The following TTC27 variants were observed in gnomAD, a reference collection of about 807,000 sequenced individuals.
TTC27 encodes tetratricopeptide repeat protein 27.
In TTC27, 79 loss-of-function variants were observed where a neutral mutation model predicts 115.9. The ratio of observed to expected loss-of-function variants is 0.68; its 90% confidence interval spans 0.57 to 0.82. The LOEUF is 0.82. Ranked by LOEUF, TTC27 falls within the 40% of genes least tolerant of loss-of-function variation. TTC27 has a pLI of 0.00. For synonymous variants in TTC27, 401 were observed against 356.0 expected, an observed-to-expected ratio of 1.13 and a Z score of -1.42; for missense variants, 1,054 against 993.1, an observed-to-expected ratio of 1.06 and a Z score of -0.82.
intron 13 of TTC27, among the ~76,000 whole-genome samples, chr2:32,759,255 T>G (rs1293433759): frequency 6.6e-6 from 1 of 152,212 alleles, no homozygotes; most frequent in Non-Finnish European, 1.5e-5. Context: ...TTGAAAAACA[T>G]GCACACTGAT....
chr2:32,665,757 G>A (rs1175813737), intron 6 of TTC27, among the ~76,000 whole-genome samples: 1 of 152,112 alleles, frequency 6.6e-6, no homozygotes, highest in African/African-American at 2.4e-5. Flanking sequence ...TGGGTGTGGT[G>A]GTGCATGCCT....
chr2:32,676,814 A>G (rs1194256412), intron 8 of TTC27, among the ~76,000 whole-genome samples: 1 of 151,736 alleles, frequency 6.6e-6, no homozygotes, highest in East Asian at 1.9e-4. Context: ...TATATGAAAT[A>G]TTTATATACA....
At chr2:32,816,151 A>G (rs1671494746) in intron 18 of TTC27, among the ~76,000 whole-genome samples, 1 of 152,046 alleles carries the variant, frequency 6.6e-6, no homozygotes, top group Non-Finnish European at 1.5e-5. Context: ...CTACCAAAAA[A>G]TTAAAAAATT....
chr2:32,763,032 G>T (rs1669501963), intron 13 of TTC27, among the ~76,000 whole-genome samples: 1 of 152,306 alleles, frequency 6.6e-6, no homozygotes, highest in East Asian at 1.9e-4. Flanking sequence ...GGGAGAACTT[G>T]ACAGGGCTTG....
intron 13 of TTC27, among the ~76,000 whole-genome samples, chr2:32,776,888 G>A (rs958047720): frequency 6.6e-6 from 1 of 152,288 alleles, no homozygotes; most frequent in East Asian, 1.9e-4. Flanking sequence ...GGGATTACAG[G>A]TGTGAGCCAC....
At chr2:32,757,863 G>A (rs574037764) in intron 12 of TTC27, among the ~76,000 whole-genome samples, 106 of 152,116 alleles carry the variant, frequency 7.0e-4, no homozygotes, top group African/African-American at 2.2e-3. Context: ...CACCACGCCC[G>A]GCTAATTTTT....
intron 10 of TTC27, among the ~76,000 whole-genome samples, chr2:32,723,717 TCCCTCCCTCCC>T (rs1668005873): frequency 6.5e-5 from 2 of 30,668 alleles, no homozygotes; most frequent in Admixed American, 4.0e-4. Flanking sequence ...CCTCCCTCCC[TCCCTCCCTCCC>T]TCCTTCCTTC....
chr2:32,671,928 A>G (rs1049420745), intron 7 of TTC27, among the ~76,000 whole-genome samples: 2 of 152,214 alleles, frequency 1.3e-5, no homozygotes, highest in Admixed American at 1.3e-4. Context: ...TTCATCAGTA[A>G]ATAAGGATAG....
intron 14 of TTC27, among the ~76,000 whole-genome samples, chr2:32,779,179 C>A (rs981817348): frequency 7.2e-5 from 11 of 151,948 alleles, no homozygotes; most frequent in Non-Finnish European, 1.3e-4. Context: ...GCAGAGATTG[C>A]GCCACCTTAC....
chr2:32,706,338 C>G (rs1461797145), intron 10 of TTC27, among the ~76,000 whole-genome samples: 1 of 151,912 alleles, frequency 6.6e-6, no homozygotes, highest in Non-Finnish European at 1.5e-5. Context: ...CCACCTCAGC[C>G]TCCCAAAATG....
At chr2:32,691,200 T>C (rs1666796611) in intron 9 of TTC27, among the ~76,000 whole-genome samples, 1 of 152,218 alleles carries the variant, frequency 6.6e-6, no homozygotes, top group Non-Finnish European at 1.5e-5. Flanking sequence ...TTTGCTACTT[T>C]TCTGGGGCAT....
Position 32,664,487 on chromosome 2 carries a change from G to A in TTC27, c.805+20G>A, listed in dbSNP as rs1252692988. 6.3e-7 allele frequency: 1 copy of A among 1,584,270 alleles called. No homozygotes were observed. Among genetic ancestry groups the A allele is most frequent in the Non-Finnish European group, 8.5e-7 (1 of 1,170,696 alleles). On this transcript the variant is annotated intron_variant, in intron 6 of 19. Coordinates refer to ENST00000317907, the MANE Select transcript of TTC27 (RefSeq NM_017735.5). Reference sequence around the variant, plus strand: ...TGACAGGTAAGACTTATTTTTTGTGGATAATTGATTTTATTTTTATGATAA... The same window carrying A: ...TGACAGGTAAGACTTATTTTTTGTGAATAATTGATTTTATTTTTATGATAA...
chr2:32,782,534 A>AT, intron 14 of TTC27, 92 bp from the exon 15 acceptor site: 1 of 1,064,970 alleles, frequency 9.4e-7, no homozygotes, highest in Non-Finnish European at 1.4e-6. Context: ...AAGAGCATAT[A>AT]TTGGACTAGG....
At chr2:32,724,019 A>G (rs1480505398) in intron 10 of TTC27, among the ~76,000 whole-genome samples, 2 of 141,486 alleles carry the variant, frequency 1.4e-5, no homozygotes, top group African/African-American at 2.6e-5. Flanking sequence ...AGTTTAAAAC[A>G]TTCACTCAGG....
chr2:32,739,883 C>G (rs1340875347), intron 12 of TTC27, among the ~76,000 whole-genome samples: 1 of 152,182 alleles, frequency 6.6e-6, no homozygotes, highest in African/African-American at 2.4e-5. Flanking sequence ...TTAATCCTTG[C>G]ATTTAATGCT....
Position 32,777,986 on chromosome 2 carries a change from T to C in TTC27, c.1779+6T>C. 6.2e-7 allele frequency: 1 copy of C among 1,613,956 alleles called. No homozygotes were observed. The highest frequency in any genetic ancestry group is 8.5e-7 in the Non-Finnish European group (1 of 1,179,896). On this transcript the variant is annotated splice_donor_region_variant and intron_variant, in intron 14 of 19. Transcript: ENST00000317907. ...GTGTGACTCTAGAACCCGATGTAAGTTTGTTTGATCTTCTGTCCTTACGTG... is the reference window on the plus strand; with the variant it reads ...GTGTGACTCTAGAACCCGATGTAAGCTTGTTTGATCTTCTGTCCTTACGTG...
At chr2:32,745,078 A>AAG (rs1189264443) in intron 12 of TTC27, among the ~76,000 whole-genome samples, 2 of 150,110 alleles carry the variant, frequency 1.3e-5, no homozygotes, top group Non-Finnish European at 3.0e-5. Flanking sequence ...AAAAAAAAAA[A>AAG]AAAGCACATA....
At chr2:32,739,945 T>A (rs1268690869) in intron 12 of TTC27, among the ~76,000 whole-genome samples, 1 of 152,242 alleles carries the variant, frequency 6.6e-6, no homozygotes, top group Non-Finnish European at 1.5e-5. Flanking sequence ...TGTTTAATTC[T>A]AATTATTGTG....
chr2:32,655,881 C>A (rs1665297123), intron 5 of TTC27, among the ~76,000 whole-genome samples: 1 of 152,128 alleles, frequency 6.6e-6, no homozygotes, highest in African/African-American at 2.4e-5. Flanking sequence ...CCATGTATGG[C>A]TACTTAAATT....
Sources: gnomAD v4.1 joint callset for allele counts (sites outside exome capture counted in the v4.1 genomes callset) on GRCh38, gnomAD v4.1.1 for gene constraint, MANE v1.5 for transcripts, NCBI Gene and HGNC (gene_info 2026-07-23, HGNC 2026-07-21) for gene names.